SND1: variants seen among roughly 807,000 people sequenced by gnomAD.
SND1 encodes staphylococcal nuclease domain-containing protein 1.
Under a neutral mutation model 121.7 loss-of-function variants are expected in SND1, and 38 were observed. The observed-to-expected ratio is 0.31, with a 90% CI of 0.24 to 0.41. SND1 has a LOEUF of 0.41. SND1 is among the 10% of genes least tolerant of loss of function. The pLI is 1.00. For missense variants in SND1, 868 were observed against 1,184.6 expected (o/e 0.73, Z 3.92); for synonymous variants, 401 against 447.4 (o/e 0.90, Z 1.31).
At chr7:127,824,849 T>G (rs575306402) in intron 11 of SND1, among the ~76,000 whole-genome samples, 17 of 152,316 alleles carry the variant, frequency 1.1e-4, no homozygotes, top group African/African-American at 4.1e-4. Flanking sequence ...AATCTTCATC[T>G]TCTTTGTGAC....
chr7:128,063,437 G>C (rs116515373), intron 16 of SND1, among the ~76,000 whole-genome samples: 1 of 152,170 alleles, frequency 6.6e-6, no homozygotes. Flanking sequence ...AAGCATGCTT[G>C]TCGTGGCAGG....
At chr7:127,932,678 G>T (rs1160071109) in intron 15 of SND1, among the ~76,000 whole-genome samples, 1 of 151,510 alleles carries the variant, frequency 6.6e-6, no homozygotes, top group Non-Finnish European at 1.5e-5. Context: ...TGTTTTTTTT[G>T]CCACAGCCAC....
chr7:127,847,861 G>GT (rs1415686186), intron 12 of SND1, among the ~76,000 whole-genome samples: 1 of 152,204 alleles, frequency 6.6e-6, no homozygotes, highest in African/African-American at 2.4e-5. Context: ...CTCAATCTGG[G>GT]TGTTAGGTCA....
At chr7:127,684,895 A>G (rs1464301043) in intron 1 of SND1, among the ~76,000 whole-genome samples, 1 of 151,652 alleles carries the variant, frequency 6.6e-6, no homozygotes, top group Non-Finnish European at 1.5e-5. Flanking sequence ...ACAATTAAAT[A>G]TTGTATATTG....
chr7:127,743,307 T>A (rs1485259210), intron 10 of SND1, among the ~76,000 whole-genome samples: 1 of 152,232 alleles, frequency 6.6e-6, no homozygotes. Context: ...GGAACCTCGG[T>A]GTGCAAGGTG....
At position 127,699,000 on chromosome 7, in the gene SND1, T is replaced by G. The variant is rs749848751; in HGVS notation, c.428+47T>G. 1.5e-4 allele frequency: 225 copies of G among 1,495,162 alleles called. 1 individual carries two copies. The Middle Eastern group carries it at 3.7e-3, about 24-fold the overall frequency. The allele number at this position is 1,495,162 out of a possible 1,614,324, so 92.6% of individuals were successfully genotyped here. The stretch of plus-strand genomic sequence containing the variant: ...GTCTCTCTGACAGCGGTAAATTGGC[T>G]TTGCTGCATTTTTCATTCTTGCCCC... On this transcript the variant is annotated intron_variant, in intron 4 of 23. Transcript: ENST00000354725.
intron 10 of SND1, among the ~76,000 whole-genome samples, chr7:127,791,458 T>C (rs931623765): frequency 3.3e-5 from 5 of 151,890 alleles, no homozygotes; most frequent in Non-Finnish European, 5.9e-5. Context: ...CAACGTTACT[T>C]TTTTTTAATT....
chr7:128,092,321 C>A lies in SND1; in HGVS notation c.*263C>A. 2.3e-6 allele frequency: 1 copy of A among 436,050 alleles called. No individual in the cohort carries two copies. Among genetic ancestry groups the A allele is most frequent in the Non-Finnish European group, 4.1e-6 (1 of 243,450 alleles). The allele number at this position is 436,050 out of a possible 1,614,324, so 27.0% of individuals were successfully genotyped here. On this transcript the variant is annotated 3_prime_UTR_variant, in exon 24 of 24. Transcript: ENST00000354725. The surrounding 1 kb of genome is among the most constrained non-coding windows in gnomAD (Gnocchi z 4.9). ...TTGGTTTTATTTGGAGGTTTGTGGG[C>A]TTTTTTTAAAAAAAAAAAGTCCTCA...
intron 15 of SND1, among the ~76,000 whole-genome samples, chr7:127,971,160 ATTTCGATGTCAC>A (rs1422922315): frequency 1.3e-5 from 2 of 152,122 alleles, no homozygotes; most frequent in East Asian, 3.9e-4. Flanking sequence ...GCACAGAGTT[ATTTCGATGTCAC>A]TTTTCCCTGT....
intron 16 of SND1, among the ~76,000 whole-genome samples, chr7:128,067,315 G>A (rs139848219): frequency 0.01 from 1,561 of 152,242 alleles, 15 homozygotes; most frequent in Non-Finnish European, 0.013. Flanking sequence ...CATCCAGGCC[G>A]CTTGCTGTGA....
intron 15 of SND1, among the ~76,000 whole-genome samples, chr7:127,977,240 T>C (rs961868240): frequency 1.3e-5 from 2 of 152,258 alleles, no homozygotes; most frequent in Non-Finnish European, 2.9e-5. Flanking sequence ...ATTCACTTCA[T>C]CTTATGTAGG....
intron 10 of SND1, among the ~76,000 whole-genome samples, chr7:127,764,567 A>T (rs144161127): frequency 6.6e-6 from 1 of 152,340 alleles, no homozygotes; most frequent in East Asian, 1.9e-4. Flanking sequence ...CAGAACTTTG[A>T]CACCGATGTG....
intron 10 of SND1, among the ~76,000 whole-genome samples, chr7:127,781,143 A>G (rs138855032): frequency 7.2e-5 from 11 of 152,344 alleles, no homozygotes; most frequent in African/African-American, 2.2e-4. Flanking sequence ...CTGCTTCAGG[A>G]GAAGGTAGGA....
Position 128,092,140 on chromosome 7 carries a change from C to G in SND1, c.*82C>G. On this transcript the variant is annotated 3_prime_UTR_variant, in exon 24 of 24. Transcript: ENST00000354725. The surrounding 1 kb of genome is among the most constrained non-coding windows in gnomAD (Gnocchi z 4.9). ...GGGAGGGTGTTTTCAACTCCAAACC[C>G]CAGAGAGGGGTTGTAGATTGGGTCC... The G allele has an allele frequency of 7.1e-7, 1 of 1,410,960 alleles. No homozygotes were observed. The highest frequency in any genetic ancestry group is 1.0e-6 in the Non-Finnish European group (1 of 1,000,108). 87.4% of individuals were successfully genotyped at this position (1,410,960 alleles called of 1,614,324 possible).
At chr7:127,832,763 C>A (rs1429170974) in intron 11 of SND1, among the ~76,000 whole-genome samples, 1 of 152,200 alleles carries the variant, frequency 6.6e-6, no homozygotes, top group Admixed American at 6.5e-5. Flanking sequence ...TGGTCCCTGG[C>A]CTGTTAGGAA....
chr7:127,701,602 A>G (rs1428540948), intron 5 of SND1, among the ~76,000 whole-genome samples: 3 of 152,108 alleles, frequency 2.0e-5, no homozygotes, highest in Admixed American at 6.5e-5. Flanking sequence ...CTGTTCTCTA[A>G]AAGAAGGCTA....
intron 10 of SND1, among the ~76,000 whole-genome samples, chr7:127,798,149 G>A (rs1798059921): frequency 1.3e-5 from 2 of 152,142 alleles, no homozygotes; most frequent in African/African-American, 2.4e-5. Context: ...GGAGATAACG[G>A]GTCAGGCTCT....
chr7:127,810,564 A>T (rs1015244593), intron 11 of SND1, among the ~76,000 whole-genome samples: 4 of 152,138 alleles, frequency 2.6e-5, no homozygotes, highest in Non-Finnish European at 5.9e-5. Context: ...TTCCAGAATG[A>T]TTTTCTCGCT....
At position 127,701,333 on chromosome 7, in the gene SND1, G is replaced by T. The variant is rs781458554; in HGVS notation, c.589+10G>T. 3 of 1,613,218 alleles carry T rather than the reference G, an allele frequency of 1.9e-6. No homozygotes were observed. Among genetic ancestry groups the T allele is most frequent in the South Asian group, 2.2e-5 (2 of 90,936 alleles). On this transcript the variant is annotated intron_variant, in intron 5 of 23. Coordinates refer to ENST00000354725, the MANE Select transcript of SND1 (RefSeq NM_014390.4). ...CAGAAGCCTGTTAATGGTGAGGCTG[G>T]TGGGAACAGACAGATACGACTCAGG...
Sources: gnomAD v4.1 joint callset for allele counts (sites outside exome capture counted in the v4.1 genomes callset) on GRCh38, gnomAD v4.1.1 for gene constraint, Gnocchi (gnomAD v3.1) non-coding constraint, MANE v1.5 for transcripts, NCBI Gene and HGNC (gene_info 2026-07-23, HGNC 2026-07-21) for gene names.